Variants in EYA1 observed in about 807,000 individuals in gnomAD.
EYA1 encodes EYA transcriptional coactivator and phosphatase 1, also known as protein phosphatase EYA1.
In EYA1, 16 loss-of-function variants were observed where a neutral mutation model predicts 82.0. The ratio of observed to expected loss-of-function variants is 0.20; its 90% CI spans 0.13 to 0.30. The LOEUF (loss-of-function observed/expected upper bound fraction) is 0.30, where lower values mean the gene tolerates loss of function less well. Among genes scored for constraint, EYA1 ranks in the 10% least tolerant of loss-of-function variants. The probability of loss-of-function intolerance (pLI) is 1.00; values close to 1 mark genes in which losing one functional copy is unlikely to be tolerated. For synonymous variants in EYA1, 261 were observed against 264.4 expected (o/e 0.99, Z 0.12); for missense variants, 633 against 730.7 (o/e 0.87, Z 1.54).
chr8:71,232,303 C>A (rs755534055), intron 12 of EYA1, among the ~76,000 whole-genome samples: 1 of 152,228 alleles, frequency 6.6e-6, no homozygotes, highest in Non-Finnish European at 1.5e-5. Flanking sequence ...TCAGTCCAAG[C>A]GGCCTGAGAA....
At chr8:71,322,426 A>C in intron 4 of EYA1, 158 bp from the exon 5 acceptor site, 1 of 673,332 alleles carries the variant, frequency 1.5e-6, no homozygotes, top group South Asian at 1.6e-5. Flanking sequence ...ATATGGTTCC[A>C]CCTAACAGAA....
At chr8:71,261,493 A>T (rs1465558613) in intron 11 of EYA1, among the ~76,000 whole-genome samples, 1 of 152,060 alleles carries the variant, frequency 6.6e-6, no homozygotes, top group African/African-American at 2.4e-5. Flanking sequence ...AAACCCTCAA[A>T]CTTGTGGTGG....
Position 71,361,816 on chromosome 8 carries a change from A to C in EYA1, c.-224T>G, listed in dbSNP as rs1827407263. Reference sequence around the variant, plus strand: ...GGGAGTGGAGCGCCTCTGCAGGGGAAAGCTCGGCGCAGGGGGCAGGCGCCT... The same window carrying C: ...GGGAGTGGAGCGCCTCTGCAGGGGACAGCTCGGCGCAGGGGGCAGGCGCCT... On this transcript the variant is annotated 5_prime_UTR_variant, in exon 1 of 18. Transcript: ENST00000340726. The C allele has an allele frequency of 1.0e-6, 1 of 985,346 alleles. No homozygotes were observed. 61.0% of individuals were successfully genotyped at this position (985,346 alleles called of 1,614,324 possible).
chr8:71,393,771 A>T (rs1342623209), intron 2 of EYA1, among the ~76,000 whole-genome samples: 2 of 152,278 alleles, frequency 1.3e-5, no homozygotes, highest in South Asian at 2.1e-4. Context: ...CATGTGTCTT[A>T]ATAGCAGCAT....
chr8:71,391,099 A>G (rs147719060), intron 2 of EYA1, among the ~76,000 whole-genome samples: 31 of 152,164 alleles, frequency 2.0e-4, no homozygotes, highest in Admixed American at 1.8e-3. Flanking sequence ...TCAGCCACCC[A>G]AGTAACTAGG....
At chr8:71,418,230 A>G (rs1830957503) in intron 2 of EYA1, among the ~76,000 whole-genome samples, 1 of 152,228 alleles carries the variant, frequency 6.6e-6, no homozygotes, top group Non-Finnish European at 1.5e-5. Context: ...TCCCCTGGAT[A>G]TGATGGTATG....
rs561069287 is a variant in EYA1 at position 71,541,167 on chromosome 8, C to T, written c.-72-5319G>A. On this transcript the variant is annotated intron_variant, in intron 1 of 18. Transcript: ENST00000643681. Reference sequence around the variant, plus strand: ...ATGAGTCAGACTCAGAAACCATATACTCATCAGTCTTTCAAACAGTGAAAA... The same window carrying T: ...ATGAGTCAGACTCAGAAACCATATATTCATCAGTCTTTCAAACAGTGAAAA... Among the ~76,000 whole-genome samples, 3 of 152,152 alleles carry T rather than the reference C, an allele frequency of 2.0e-5. No homozygotes were observed. The South Asian group carries it at 6.2e-4, about 32-fold the overall frequency.
chr8:71,324,524 A>G (rs371992231), intron 4 of EYA1, among the ~76,000 whole-genome samples: 2 of 151,644 alleles, frequency 1.3e-5, no homozygotes, highest in Admixed American at 6.6e-5. Flanking sequence ...GATTCCCACT[A>G]ACTTTTACCC....
At chr8:71,537,335 A>C (rs1180951584) in intron 1 of EYA1, among the ~76,000 whole-genome samples, 1 of 152,228 alleles carries the variant, frequency 6.6e-6, no homozygotes, top group Non-Finnish European at 1.5e-5. Context: ...AAGAAAATAT[A>C]ACACTTTATT....
intron 3 of EYA1, among the ~76,000 whole-genome samples, chr8:71,342,603 G>A (rs530791351): frequency 5.9e-5 from 9 of 152,246 alleles, no homozygotes; most frequent in Middle Eastern, 3.4e-3. Flanking sequence ...AACCCAAAGT[G>A]TATGACAAAA....
At position 71,448,484 on chromosome 8, in the gene EYA1, C is replaced by G. The variant is rs528929723; in HGVS notation, c.33+87260G>C. Among the ~76,000 whole-genome samples the G allele has an allele frequency of 7.9e-5, 12 of 152,234 alleles. No homozygotes were observed. In the South Asian group the frequency reaches 2.3e-3, roughly 29 times the overall value. ...CACTACATTCGCAGTTACTTCCTCC[C>G]CTGAAGTCTTGAACTCCTCCAACTT... On this transcript the variant is annotated intron_variant, in intron 2 of 18. Coordinates refer to the EYA1 transcript ENST00000643681.
chr8:71,454,582 G>A (rs769531303), intron 2 of EYA1, among the ~76,000 whole-genome samples: 10 of 152,194 alleles, frequency 6.6e-5, no homozygotes, highest in Non-Finnish European at 1.0e-4. Flanking sequence ...TCAGACCACA[G>A]TGCAATCAAA....
At chr8:71,538,568 T>C (rs932275596) in intron 1 of EYA1, among the ~76,000 whole-genome samples, 3 of 152,202 alleles carry the variant, frequency 2.0e-5, no homozygotes, top group Non-Finnish European at 4.4e-5. Context: ...ACTTGATGTT[T>C]ACCTATCCAC....
chr8:71,290,890 A>G (rs942211621), intron 9 of EYA1, among the ~76,000 whole-genome samples: 9 of 152,222 alleles, frequency 5.9e-5, no homozygotes, highest in Admixed American at 2.0e-4. Flanking sequence ...GTTTTCTCAC[A>G]TCTTAATAGC....
At chr8:71,439,383 G>A (rs988107527) in intron 2 of EYA1, among the ~76,000 whole-genome samples, 2 of 152,104 alleles carry the variant, frequency 1.3e-5, no homozygotes, top group Admixed American at 6.6e-5. Context: ...GGGGGTAAAG[G>A]GGGTATGGAA....
intron 17 of EYA1, among the ~76,000 whole-genome samples, chr8:71,207,508 G>T (rs1309569443): frequency 6.6e-6 from 1 of 152,150 alleles, no homozygotes; most frequent in Admixed American, 6.5e-5. Flanking sequence ...TACAAAGAGT[G>T]GTTTGCAGCA....
chr8:71,545,100 G>C (rs1267262913), intron 1 of EYA1, among the ~76,000 whole-genome samples: 2 of 152,196 alleles, frequency 1.3e-5, no homozygotes. Flanking sequence ...AGTGCAGGAG[G>C]GTAGGGATTT....
chr8:71,204,508 A>G (rs934088715), intron 17 of EYA1, among the ~76,000 whole-genome samples: 3 of 152,228 alleles, frequency 2.0e-5, no homozygotes, highest in African/African-American at 7.2e-5. Context: ...TTGCAGTAGT[A>G]AATACTGGAA....
intron 2 of EYA1, among the ~76,000 whole-genome samples, chr8:71,462,505 G>T (rs951825465): frequency 4.8e-4 from 73 of 152,334 alleles, no homozygotes; most frequent in African/African-American, 1.7e-3. Flanking sequence ...CAGGTTCAGT[G>T]CCTTGGAGGG....
Sources: allele counts gnomAD v4.1 joint callset (sites outside exome capture counted in the v4.1 genomes callset), GRCh38; gene constraint gnomAD v4.1.1; transcripts MANE v1.5; gene names NCBI Gene and HGNC (gene_info 2026-07-23, HGNC 2026-07-21).